MESD: variants seen among roughly 807,000 people sequenced by gnomAD.
The protein encoded by MESD is mesoderm development LRP chaperone.
In MESD, 7 loss-of-function variants were observed where a neutral mutation model predicts 12.9. The observed-to-expected ratio is 0.54, with a 90% CI of 0.31 to 1.02. MESD has a LOEUF of 1.02. Among genes scored for constraint, MESD ranks in the 50% least tolerant of loss-of-function variants. MESD has a pLI of 0.05. For missense variants in MESD, 342 were observed against 296.7 expected (o/e 1.15, Z -1.12); for synonymous variants, 126 against 115.6 (o/e 1.09, Z -0.58).
In MESD at chr15:80,989,712, G is replaced by A; in HGVS notation, c.80C>T (p.Pro27Leu). Reference sequence around the variant, plus strand: ...TTCGGCCGCGCAGGACCCAGGCGGTGGTAGCAGTAGCAGCAGCAGCAGCAG... The same window carrying A: ...TTCGGCCGCGCAGGACCCAGGCGGTAGTAGCAGTAGCAGCAGCAGCAGCAG... ...SDLLLLLLLL[P>L]PPGSCAAEGS... Residue 27 changes from proline to leucine, a missense_variant, in exon 1 of 3, where the codon CCA becomes CTA. Pro to Leu is a moderately conservative substitution (Grantham distance 98, BLOSUM62 -3). Transcript: ENST00000261758. 6.2e-7 allele frequency: 1 copy of A among 1,610,182 alleles called. No individual in the cohort carries two copies. Among genetic ancestry groups the A allele is most frequent in the Non-Finnish European group, 8.5e-7 (1 of 1,179,980 alleles).
At chr15:80,972,572 T>A (rs965991707), downstream of MESD, among the ~76,000 whole-genome samples, 1 of 152,182 alleles carries the variant, frequency 6.6e-6, no homozygotes, top group African/African-American at 2.4e-5. Context: ...GAGGCAGAGA[T>A]TGGACTCAGG....
At chr15:80,957,223 G>A (rs1029639488) in intron 3 of MESD, among the ~76,000 whole-genome samples, 12 of 151,956 alleles carry the variant, frequency 7.9e-5, no homozygotes, top group African/African-American at 2.9e-4. Context: ...AACTAATGAT[G>A]ATAATGAATA....
intron 1 of MESD, among the ~76,000 whole-genome samples, chr15:80,985,993 G>C (rs1275683002): frequency 6.6e-6 from 1 of 151,828 alleles, no homozygotes; most frequent in African/African-American, 2.4e-5. Context: ...TTAAATAGTC[G>C]TAAGTCTAGT....
intron 1 of MESD, among the ~76,000 whole-genome samples, chr15:80,984,806 C>G (rs1371554417): frequency 6.6e-6 from 1 of 152,168 alleles, no homozygotes; most frequent in Non-Finnish European, 1.5e-5. Context: ...CCCTAAGTCA[C>G]TCTTACTGAA....
In MESD at chr15:80,989,738, G is replaced by A. The variant is rs1893247149; in HGVS notation, c.54C>T (p.Asp18=). The A allele has an allele frequency of 6.2e-7, 1 of 1,604,536 alleles. No individual in the cohort carries two copies. The highest frequency in any genetic ancestry group is 1.3e-5 in the African/African-American group (1 of 74,926). Residue 18 remains aspartate (D), a synonymous_variant, in exon 1 of 3, where the codon GAC becomes GAT. Transcript: ENST00000261758. ...RKAVVLLCAS[D]LLLLLLLLPP... is the part of the protein sequence containing the mutation. The stretch of plus-strand genomic sequence containing the variant: ...GTAGCAGTAGCAGCAGCAGCAGCAG[G>A]TCAGAGGCACAAAGCAGGACCACGG...
At position 80,989,805 on chromosome 15, in the gene MESD, C is replaced by T; in HGVS notation, c.-14G>A. The T allele has an allele frequency of 1.9e-6, 3 of 1,557,144 alleles. No individual in the cohort carries two copies. The highest frequency in any genetic ancestry group is 2.6e-6 in the Non-Finnish European group (3 of 1,158,352). ...GGAAGCCGCCATTTTCGCTGCGCCG[C>T]GCAGCGCCCTAGACGCGCTTACCCG... On this transcript the variant is annotated 5_prime_UTR_variant, in exon 1 of 3. Transcript: ENST00000261758.
Position 80,979,189 on chromosome 15 carries a change from G to A in MESD, c.*30C>T. On this transcript the variant is annotated 3_prime_UTR_variant, in exon 3 of 3. Coordinates refer to ENST00000261758, the MANE Select transcript of MESD (RefSeq NM_015154.3). ...GGCAAAGAGCTCTCCACGTCCACCT[G>A]TCCCCCCACAGCGCGTCACTGCTGC... 6.3e-7 allele frequency: 1 copy of A among 1,599,062 alleles called. No individual in the cohort carries two copies.
chr15:80,957,960 C>T (rs1902018490), intron 3 of MESD, among the ~76,000 whole-genome samples: 1 of 146,090 alleles, frequency 6.8e-6, no homozygotes, highest in African/African-American at 2.5e-5. Context: ...AACATTCTCA[C>T]TGAAACTCCC....
downstream of MESD, among the ~76,000 whole-genome samples, chr15:80,973,275 T>C (rs1902330472): frequency 6.6e-6 from 1 of 152,140 alleles, no homozygotes. Context: ...AAATAAAGAC[T>C]TCAAGGTGGG....
downstream of MESD, among the ~76,000 whole-genome samples, chr15:80,971,095 G>C (rs74028139): frequency 0.2 from 30,300 of 152,106 alleles, 3,090 homozygotes; most frequent in Middle Eastern, 0.37. Context: ...GGGCTTCAAG[G>C]AGCCTCACTG....
intron 3 of MESD, among the ~76,000 whole-genome samples, chr15:80,967,588 G>C (rs1332536965): frequency 6.6e-6 from 1 of 152,144 alleles, no homozygotes; most frequent in Non-Finnish European, 1.5e-5. Flanking sequence ...GGATCAAAGG[G>C]GCCCCAGTGT....
At chr15:80,969,579 G>A (rs1171415455) in intron 3 of MESD, among the ~76,000 whole-genome samples, 5 of 152,076 alleles carry the variant, frequency 3.3e-5, no homozygotes, top group Non-Finnish European at 5.9e-5. Context: ...TTGAGGCTGG[G>A]CATGGTGGCT....
At chr15:80,960,164 G>C (rs561131984) in intron 3 of MESD, among the ~76,000 whole-genome samples, 1 of 152,064 alleles carries the variant, frequency 6.6e-6, no homozygotes, top group Admixed American at 6.5e-5. Flanking sequence ...AGGAGTTCAA[G>C]GCCAGCCAGG....
At chr15:80,947,261 C>T (rs1901597642), downstream of MESD, 1 of 548,476 alleles carries the variant, frequency 1.8e-6, no homozygotes, top group African/African-American at 1.9e-5. Context: ...CACCCCTGCA[C>T]TGCAGCAAAT....
intron 4 of MESD, chr15:80,949,506 G>C (rs1259360008): frequency 5.7e-6 from 1 of 174,616 alleles, no homozygotes; most frequent in African/African-American, 2.4e-5. Context: ...AGGAGACTTT[G>C]AGTGGCAGGT....
At chr15:80,989,112 A>T (rs1355310286) in intron 1 of MESD, among the ~76,000 whole-genome samples, 2 of 152,236 alleles carry the variant, frequency 1.3e-5, no homozygotes, top group African/African-American at 4.8e-5. Context: ...GATTTAGAAG[A>T]CAGCTGAGAT....
downstream of MESD, among the ~76,000 whole-genome samples, chr15:80,974,189 T>C (rs28507046): frequency 4.1e-4 from 62 of 152,168 alleles, no homozygotes; most frequent in African/African-American, 1.4e-3. Flanking sequence ...GGTTCAGCTA[T>C]AGGAAAGCTG....
At chr15:80,975,037 G>A (rs1468624923), downstream of MESD, among the ~76,000 whole-genome samples, 2 of 151,674 alleles carry the variant, frequency 1.3e-5, no homozygotes, top group African/African-American at 2.4e-5. Context: ...TCACTTCTAG[G>A]GGAAAGACAG....
chr15:80,956,980 CTATT>C (rs201795049), intron 3 of MESD, among the ~76,000 whole-genome samples: 1 of 151,966 alleles, frequency 6.6e-6, no homozygotes, highest in African/African-American at 2.4e-5. Context: ...CCATGCCCAG[CTATT>C]TATTTATTTA....
Sources: gnomAD v4.1 joint callset for allele counts (sites outside exome capture counted in the v4.1 genomes callset) on GRCh38, gnomAD v4.1.1 for gene constraint, MANE v1.5 for transcripts, NCBI Gene and HGNC (gene_info 2026-07-23, HGNC 2026-07-21) for gene names.